The following N4BP2 variants were observed in gnomAD, a reference collection of about 807,000 sequenced individuals.
N4BP2 encodes the protein NEDD4-binding protein 2.
N4BP2 carries 91 observed loss-of-function variants against 152.8 expected under a neutral mutation model. The observed-to-expected ratio is 0.60, with a 90% CI of 0.50 to 0.71. N4BP2 has a LOEUF of 0.71. Ranked by LOEUF, N4BP2 falls within the 30% of genes least tolerant of loss-of-function variation. The probability of loss-of-function intolerance (pLI) is 0.00; values close to 1 mark genes in which losing one functional copy is unlikely to be tolerated. For missense variants in N4BP2, 1,923 were observed against 2,059.1 expected (o/e 0.93, Z 1.28); for synonymous variants, 646 against 705.3 (o/e 0.92, Z 1.33).
At chr4:40,163,885 A>C in the N4BP2 span, among the ~76,000 whole-genome samples, 2 of 152,172 alleles carry the variant, frequency 1.3e-5, no homozygotes, top group Admixed American at 1.3e-4. Flanking sequence ...GAGATTATAG[A>C]ATTTGCGAAA....
At chr4:40,166,170 T>C in the N4BP2 span, among the ~76,000 whole-genome samples, 4 of 152,270 alleles carry the variant, frequency 2.6e-5, no homozygotes, top group African/African-American at 9.6e-5. Context: ...ATCTTTTTCT[T>C]TGTTAGTAGG....
chr4:40,164,210 A>G, the N4BP2 span, among the ~76,000 whole-genome samples: 1 of 152,146 alleles, frequency 6.6e-6, no homozygotes, highest in East Asian at 1.9e-4. Context: ...AGTGGAGGTG[A>G]GCAGTGAAGG....
rs1718931641 is a variant in N4BP2 at position 40,131,840 on chromosome 4, A to G, written c.4567A>G (p.Lys1523Glu). 1.2e-6 allele frequency: 2 copies of G among 1,613,530 alleles called. No individual in the cohort carries two copies. The highest frequency in any genetic ancestry group is 1.7e-6 in the Non-Finnish European group (2 of 1,179,722). Residue 1523 changes from lysine to glutamate, a missense_variant, in exon 13 of 18, where the codon AAA (lysine) becomes GAA (glutamate). By Grantham distance (56) the Lys-to-Glu change is moderately conservative (BLOSUM62 1). Coordinates refer to ENST00000261435, the MANE Select transcript of N4BP2 (RefSeq NM_018177.6). ...TLMFEKDCAT[K>E]LKEKQLFKIF... ...TATGTTTGAAAAAGATTGTGCCACT[A>G]AACTAAAGGAGAAGCAGCTCTTTAA...
intron 4 of N4BP2, among the ~76,000 whole-genome samples, chr4:40,106,390 C>A (rs1227605201): frequency 6.6e-6 from 1 of 151,998 alleles, no homozygotes; most frequent in Non-Finnish European, 1.5e-5. Flanking sequence ...AACCTTGGCT[C>A]ACTGTAACCT....
intron 14 of N4BP2, among the ~76,000 whole-genome samples, chr4:40,138,528 T>C (rs994205047): frequency 2.0e-5 from 3 of 152,262 alleles, no homozygotes; most frequent in Non-Finnish European, 4.4e-5. Context: ...AGGAGTCTTA[T>C]AGTTTCAGGC....
Position 40,112,104 on chromosome 4 carries a change from A to G in N4BP2, c.1519A>G (p.Lys507Glu). ...TTCAGCAAAAGAAGCATTTGAGAAGAAGATATCTCCTATAATTATAGATAA... is the reference window on the plus strand; with the variant it reads ...TTCAGCAAAAGAAGCATTTGAGAAGGAGATATCTCCTATAATTATAGATAA... Reference protein sequence around the residue: ...QNRAKEAFEKKISPIIIDNTN... With the variant: ...QNRAKEAFEKEISPIIIDNTN... The change falls in exon 6 of 18, where the codon AAG (lysine) becomes GAG (glutamate). Residue 507 changes from lysine to glutamate, a missense_variant. Coordinates refer to ENST00000261435, the MANE Select transcript of N4BP2 (RefSeq NM_018177.6). 6.5e-7 allele frequency: 1 copy of G among 1,543,704 alleles called. No individual in the cohort carries two copies. Among genetic ancestry groups the G allele is most frequent in the Non-Finnish European group, 8.8e-7 (1 of 1,135,244 alleles).
intron 12 of N4BP2, among the ~76,000 whole-genome samples, chr4:40,129,636 T>C (rs1019152268): frequency 6.6e-5 from 10 of 151,742 alleles, no homozygotes; most frequent in African/African-American, 9.7e-5. Context: ...ATTTTTTTCT[T>C]TCTTTTTTTT....
intron 2 of N4BP2, among the ~76,000 whole-genome samples, chr4:40,088,530 C>T (rs1714205007): frequency 7.3e-6 from 1 of 136,580 alleles, no homozygotes; most frequent in African/African-American, 2.7e-5. Context: ...AATGGGGTTT[C>T]GCTCTTGTTG....
At chr4:40,064,911 C>A (rs1485963639) in intron 1 of N4BP2, among the ~76,000 whole-genome samples, 1 of 151,990 alleles carries the variant, frequency 6.6e-6, no homozygotes, top group Non-Finnish European at 1.5e-5. Flanking sequence ...AGGAGGATTA[C>A]AGGTATGCAC....
chr4:40,060,900 T>G lies in N4BP2; in HGVS notation c.-212+3870T>G, dbSNP rs574229267. Among the ~76,000 whole-genome samples the G allele has an allele frequency of 1.4e-4, 21 of 152,286 alleles. No individual in the cohort carries two copies. The East Asian group carries it at 4.0e-3, about 29-fold the overall frequency. The stretch of plus-strand genomic sequence containing the variant: ...GAATATGGGCCCGAGCCATCACGCC[T>G]GGCCTGTTTTTCTAAACGTGGATTG... On this transcript the variant is annotated intron_variant, in intron 1 of 17. Transcript: ENST00000261435.
rs556729582 is a variant in N4BP2 at position 40,063,394 on chromosome 4, T to G, written c.-212+6364T>G. On this transcript the variant is annotated intron_variant, in intron 1 of 17. Transcript: ENST00000261435. ...ACTGAAAATATGTTTCTTCACATGG[T>G]AAACCTGTTTCATGGCAGCACAGGG... 3.0e-4 allele frequency among the ~76,000 whole-genome samples: 45 copies of G among 152,286 alleles called. No homozygotes were observed. In the South Asian group the frequency reaches 4.6e-3, roughly 15 times the overall value.
At chr4:40,183,825 C>T in the N4BP2 span, among the ~76,000 whole-genome samples, 1 of 152,212 alleles carries the variant, frequency 6.6e-6, no homozygotes, top group African/African-American at 2.4e-5. Context: ...CTGTGTCTCT[C>T]TGCAGTTTTT....
chr4:40,121,026 ACACATCGT>A lies in N4BP2; in HGVS notation c.2916_2923del (p.Thr973AlafsTer7). The A allele has an allele frequency of 6.2e-7, 1 of 1,614,110 alleles. No individual in the cohort carries two copies. The highest frequency in any genetic ancestry group is 8.5e-7 in the Non-Finnish European group (1 of 1,180,012). Reference sequence around the variant, plus strand: ...CTAAGTAAAAAGAGTCATGGGCAACACACATCGTTGCCTCTTACTTTTACCAATAGTGC... The same window carrying A: ...CTAAGTAAAAAGAGTCATGGGCAACATGCCTCTTACTTTTACCAATAGTGC... On this transcript the variant is annotated frameshift_variant, in exon 9 of 18. Coordinates refer to ENST00000261435, the MANE Select transcript of N4BP2 (RefSeq NM_018177.6). LOFTEE classifies it high-confidence loss of function.
rs768944042 is a variant in N4BP2 at position 40,103,112 on chromosome 4, C to G, written c.1267C>G (p.Gln423Glu). ...NKDGTSAYQVQETPVSQVVRK... is the reference protein window; with the variant it reads ...NKDGTSAYQVEETPVSQVVRK... ...AGATGGAACAAGTGCTTATCAAGTA[C>G]AAGAAACCCCAGTTTCTCAGGTTGT... The change falls in exon 4 of 18, where the codon CAA becomes GAA. Residue 423 changes from glutamine (Q) to glutamate (E), a missense_variant. Gln to Glu is a conservative substitution (Grantham distance 29). Transcript: ENST00000261435. 2.5e-6 allele frequency: 4 copies of G among 1,614,134 alleles called. No homozygotes were observed. The highest frequency in any genetic ancestry group is 3.4e-6 in the Non-Finnish European group (4 of 1,179,994).
At chr4:40,188,016 G>T in the N4BP2 span, among the ~76,000 whole-genome samples, 2 of 152,182 alleles carry the variant, frequency 1.3e-5, no homozygotes, top group African/African-American at 4.8e-5. Context: ...AAAGGAAAAG[G>T]TTTCTTCTGG....
intron 3 of N4BP2, 39 bp downstream of exon 3, chr4:40,097,608 A>C: frequency 8.0e-7 from 1 of 1,244,940 alleles, no homozygotes; most frequent in Non-Finnish European, 1.2e-6. Flanking sequence ...CCATCTTATA[A>C]GAAGACTTTG....
chr4:40,149,350 A>G (rs1347786721), intron 16 of N4BP2, among the ~76,000 whole-genome samples: 1 of 152,192 alleles, frequency 6.6e-6, no homozygotes, highest in East Asian at 1.9e-4. Context: ...GTATGATTTC[A>G]TTTTTACCAA....
chr4:40,166,025 A>G, the N4BP2 span, among the ~76,000 whole-genome samples: 2 of 152,076 alleles, frequency 1.3e-5, no homozygotes, highest in East Asian at 1.9e-4. Context: ...GGCCTTTTGC[A>G]TATAAATCTC....
At chr4:40,189,702 T>A in the N4BP2 span, among the ~76,000 whole-genome samples, 1 of 152,074 alleles carries the variant, frequency 6.6e-6, no homozygotes, top group African/African-American at 2.4e-5. The surrounding 1 kb of genome is among the most constrained non-coding windows in gnomAD (Gnocchi z 4.3). Flanking sequence ...CAGTCTGGCC[T>A]ACATGCTGAA....
Sources: gnomAD v4.1 joint callset for allele counts (sites outside exome capture counted in the v4.1 genomes callset) on GRCh38, gnomAD v4.1.1 for gene constraint, Gnocchi (gnomAD v3.1) non-coding constraint, MANE v1.5 for transcripts, NCBI Gene and HGNC (gene_info 2026-07-23, HGNC 2026-07-21) for gene names.